The following MCFD2 variants were observed in gnomAD, a reference collection of about 807,000 sequenced individuals.
The protein encoded by MCFD2 is multiple coagulation factor deficiency 2, ER cargo receptor complex subunit.
Under a neutral mutation model 12.8 loss-of-function variants are expected in MCFD2, and 11 were observed. That is an observed-to-expected ratio of 0.86 (90% CI 0.54 to 1.42). MCFD2 has a LOEUF of 1.42. Ranked by LOEUF, MCFD2 falls within the 40% of genes most tolerant of loss-of-function variation. MCFD2 has a pLI of 0.00. For synonymous variants in MCFD2, 70 were observed against 68.1 expected (o/e 1.03, Z -0.14); for missense variants, 191 against 178.6 (o/e 1.07, Z -0.40).
In MCFD2 at chr2:46,903,384, T is replaced by G. The variant is rs1472933147; in HGVS notation, c.*2079A>C. The G allele has an allele frequency of 1.3e-5, 2 of 153,028 alleles. No individual in the cohort carries two copies. The highest frequency in any genetic ancestry group is 4.8e-5 in the African/African-American group (2 of 41,460). The allele number at this position is 153,028 out of a possible 1,614,324, so 9.5% of individuals were successfully genotyped here. ...TTGGTACCAGTAGATTGGGACCTGC[T>G]GAAGAAATACCCAAAATGTGGAAGT... is the stretch of plus-strand genomic sequence containing the variant. On this transcript the variant is annotated 3_prime_UTR_variant, in exon 4 of 4. Coordinates refer to ENST00000319466, the MANE Select transcript of MCFD2 (RefSeq NM_139279.6).
chr2:46,907,818 G>A lies in MCFD2; in HGVS notation c.301C>T (p.His101Tyr), dbSNP rs1168152311. Reference sequence around the variant, plus strand: ...GCCACTGCCAGACCTACCTCCTTATGGACATGAGTGATGGCTGTGGAGAGT... The same window carrying A: ...GCCACTGCCAGACCTACCTCCTTATAGACATGAGTGATGGCTGTGGAGAGT... The part of the protein sequence containing the change: ...LELSTAITHV[H>Y]KEEGSEQAPL... Residue 101 changes from histidine to tyrosine, a missense_variant, in exon 3 of 4, where the codon CAT becomes TAT. Transcript: ENST00000319466. This position sits in a 1 kb window ranked among gnomAD's most constrained non-coding sequence, Gnocchi z 4.1. 4 of 1,614,102 alleles carry A rather than the reference G, an allele frequency of 2.5e-6. No individual in the cohort carries two copies. Among genetic ancestry groups the A allele is most frequent in the South Asian group, 2.2e-5 (2 of 91,070 alleles).
chr2:46,915,708 C>T lies in MCFD2; in HGVS notation c.-7+15G>A, dbSNP rs1572623358. 9.6e-6 allele frequency: 9 copies of T among 941,176 alleles called. No individual in the cohort carries two copies. The highest frequency in any genetic ancestry group is 1.1e-5 in the Non-Finnish European group (9 of 789,838). 58.3% of individuals were successfully genotyped at this position (941,176 alleles called of 1,614,324 possible). A position where few individuals can be genotyped will look rare whatever the true frequency, so the allele number is the denominator to read the frequency against. On this transcript the variant is annotated intron_variant, in intron 1 of 3. Coordinates refer to ENST00000319466, the MANE Select transcript of MCFD2 (RefSeq NM_139279.6). The stretch of plus-strand genomic sequence containing the variant: ...GGGATCCCGCCCGCTGCGGAGAGTG[C>T]GCTAGTTCACTCACCCTTACGGTCT...
chr2:46,928,294 C>T (rs1669505461), intron 1 of MCFD2, among the ~76,000 whole-genome samples: 1 of 151,402 alleles, frequency 6.6e-6, no homozygotes, highest in African/African-American at 2.4e-5. Flanking sequence ...GAAATCTAGG[C>T]AGGTTGTGAA....
At chr2:46,905,771 G>C in intron 3 of MCFD2, 177 bp from the exon 4 acceptor site, 1 of 664,120 alleles carries the variant, frequency 1.5e-6, no homozygotes, top group South Asian at 1.7e-5. Flanking sequence ...ACTTTCAATG[G>C]AGTATGGGGC....
In MCFD2 at chr2:46,908,243, T is replaced by A. The variant is rs1253300677; in HGVS notation, c.150-274A>T. ...GTTATAACATTTTCAGGCCATCAAT[T>A]TAAAAATATGTCCTTTAAAACTTTT... On this transcript the variant is annotated intron_variant, in intron 2 of 3. Coordinates refer to ENST00000319466, the MANE Select transcript of MCFD2 (RefSeq NM_139279.6). This position sits in a 1 kb window ranked among gnomAD's most constrained non-coding sequence, Gnocchi z 4.5. The A allele has an allele frequency of 2.0e-5, 10 of 496,192 alleles. No individual in the cohort carries two copies. The highest frequency in any genetic ancestry group is 3.3e-5 in the Non-Finnish European group (9 of 275,122). 30.7% of individuals were successfully genotyped at this position (496,192 alleles called of 1,614,324 possible). A position where few individuals can be genotyped will look rare whatever the true frequency, so the allele number is the denominator to read the frequency against.
chr2:46,925,234 G>T (rs1669325829), intron 1 of MCFD2, among the ~76,000 whole-genome samples: 1 of 152,144 alleles, frequency 6.6e-6, no homozygotes. Context: ...GGGACTACCG[G>T]CATGCACCAC....
At chr2:46,915,860 C>A (rs1293461576), upstream of MCFD2, 7 of 981,314 alleles carry the variant, frequency 7.1e-6, no homozygotes, top group Admixed American at 1.2e-4. Context: ...TCCCTGCCGC[C>A]CGCCCATTGG....
At chr2:46,916,170 C>T, upstream of MCFD2, 1 of 985,364 alleles carries the variant, frequency 1.0e-6, no homozygotes, top group Non-Finnish European at 1.2e-6. Context: ...CTATACAGGG[C>T]TCTTGGTTCA....
intron 1 of MCFD2, among the ~76,000 whole-genome samples, chr2:46,925,517 C>T (rs1017186969): frequency 1.3e-5 from 2 of 152,020 alleles, no homozygotes; most frequent in Non-Finnish European, 2.9e-5. Flanking sequence ...GAGATTACAC[C>T]ACTGCACTCC....
upstream of MCFD2, chr2:46,916,553 T>C (rs1668799681): frequency 6.5e-6 from 1 of 153,014 alleles, no homozygotes; most frequent in South Asian, 2.0e-4. Context: ...CTTACACCTG[T>C]GCTCCTATAC....
At position 46,933,730 on chromosome 2, in the gene MCFD2, G is replaced by A. The variant is rs938877233; in HGVS notation, c.-8+7842C>T. ...GGCAGTTGTCATTGTGCTCTACTTCGCATATACTGATGATCTGAGTGGCTG... is the reference window on the plus strand; with the variant it reads ...GGCAGTTGTCATTGTGCTCTACTTCACATATACTGATGATCTGAGTGGCTG... On this transcript the variant is annotated intron_variant, in intron 1 of 2. Transcript: ENST00000409147. Among the ~76,000 whole-genome samples the A allele has an allele frequency of 4.6e-5, 7 of 152,156 alleles. 1 individual carries two copies. The highest frequency in any genetic ancestry group is 1.9e-4 in the East Asian group (1 of 5,194).
intron 1 of MCFD2, among the ~76,000 whole-genome samples, chr2:46,930,497 ATTTT>A (rs575100979): frequency 7.6e-6 from 1 of 132,054 alleles, no homozygotes. Flanking sequence ...AAGTCCTATA[ATTTT>A]TTTTTTTTTT....
At chr2:46,917,247 C>T (rs571422859), upstream of MCFD2, 18 of 700,248 alleles carry the variant, frequency 2.6e-5, no homozygotes, top group African/African-American at 2.1e-4. Flanking sequence ...CTCCCACCAC[C>T]TCCGCCTCCC....
At chr2:46,926,493 T>C (rs547053269) in intron 1 of MCFD2, among the ~76,000 whole-genome samples, 77 of 152,308 alleles carry the variant, frequency 5.1e-4, no homozygotes, top group Non-Finnish European at 9.8e-4. Context: ...GACTTCCCTC[T>C]ATGATAAAAT....
upstream of MCFD2, chr2:46,916,270 C>T (rs1191621513): frequency 5.5e-6 from 4 of 730,304 alleles, no homozygotes; most frequent in Non-Finnish European, 6.7e-6. Flanking sequence ...CACGCTGGAG[C>T]CGGCCTTGGA....
In MCFD2 at chr2:46,940,546, C is replaced by T. The variant is rs996265281; in HGVS notation, c.-8+1026G>A. On this transcript the variant is annotated intron_variant, in intron 1 of 2. Coordinates refer to the MCFD2 transcript ENST00000409147. The surrounding 1 kb of genome is among the most constrained non-coding windows in gnomAD (Gnocchi z 4.7). ...CACTCCATAGAGCTTTGATCACAGT[C>T]TTAGACCAGCATGAAGAAATAAATA... 6.6e-6 allele frequency among the ~76,000 whole-genome samples: 1 copy of T among 152,220 alleles called. No individual in the cohort carries two copies. The highest frequency in any genetic ancestry group is 1.5e-5 in the Non-Finnish European group (1 of 68,048).
chr2:46,907,686 C>T lies in MCFD2; in HGVS notation c.309+124G>A. The T allele has an allele frequency of 9.4e-7, 1 of 1,069,232 alleles. No homozygotes were observed. The highest frequency in any genetic ancestry group is 2.3e-4 in the Middle Eastern group (1 of 4,440). 66.2% of individuals were successfully genotyped at this position (1,069,232 alleles called of 1,614,324 possible). A position where few individuals can be genotyped will look rare whatever the true frequency, so the allele number is the denominator to read the frequency against. ...TGCTGGGATTACAGATGCGAGCCAT[C>T]ATGCCCAGTGGAGAAGCAGCACTCT... On this transcript the variant is annotated intron_variant, in intron 3 of 3. Coordinates refer to ENST00000319466, the MANE Select transcript of MCFD2 (RefSeq NM_139279.6). The surrounding 1 kb of genome is among the most constrained non-coding windows in gnomAD (Gnocchi z 4.1).
At chr2:46,923,779 C>A (rs1351463836) in intron 1 of MCFD2, among the ~76,000 whole-genome samples, 1 of 152,010 alleles carries the variant, frequency 6.6e-6, no homozygotes, top group Admixed American at 6.6e-5. Flanking sequence ...GTCCACCAGG[C>A]TGGAGTGCAA....
chr2:46,923,311 C>CA (rs1558474000), intron 1 of MCFD2, among the ~76,000 whole-genome samples: 1 of 152,216 alleles, frequency 6.6e-6, no homozygotes, highest in African/African-American at 2.4e-5. Context: ...CTAAGAGTCC[C>CA]AACCTTCTAA....
Sources: allele counts gnomAD v4.1 joint callset (sites outside exome capture counted in the v4.1 genomes callset), GRCh38; gene constraint gnomAD v4.1.1; non-coding constraint Gnocchi (gnomAD v3.1); transcripts MANE v1.5; gene names NCBI Gene and HGNC (gene_info 2026-07-23, HGNC 2026-07-21).